MARCHF8: variants seen among roughly 807,000 people sequenced by gnomAD.
The protein encoded by MARCHF8 is membrane associated ring-CH-type finger 8.
In MARCHF8, 40 loss-of-function variants were observed where a neutral mutation model predicts 51.6. The ratio of observed to expected loss-of-function variants is 0.77; its 90% CI spans 0.60 to 1.01. The LOEUF (loss-of-function observed/expected upper bound fraction) is 1.01. MARCHF8 is among the 50% of genes least tolerant of loss of function. MARCHF8 has a pLI of 0.00. For synonymous variants in MARCHF8, 263 were observed against 280.3 expected, an observed-to-expected ratio of 0.94 and a Z score of 0.62; for missense variants, 685 against 708.6, an observed-to-expected ratio of 0.97 and a Z score of 0.38.
intron 1 of MARCHF8, among the ~76,000 whole-genome samples, chr10:45,588,249 TAC>T (rs2044639132): frequency 6.6e-6 from 1 of 151,830 alleles, no homozygotes; most frequent in African/African-American, 2.4e-5. Flanking sequence ...TCCTTATCCA[TAC>T]AGTCATACAA....
chr10:45,574,630 A>G (rs978381262), intron 1 of MARCHF8, among the ~76,000 whole-genome samples: 1 of 152,078 alleles, frequency 6.6e-6, no homozygotes, highest in African/African-American at 2.4e-5. Context: ...AAGAGCTGGG[A>G]CCGCGCCCTG....
At chr10:45,559,559 C>T (rs1044772469) in intron 1 of MARCHF8, among the ~76,000 whole-genome samples, 26 of 152,090 alleles carry the variant, frequency 1.7e-4, no homozygotes, top group Admixed American at 5.2e-4. Context: ...ATTTCATTGG[C>T]CATTTCTTAT....
intron 2 of MARCHF8, among the ~76,000 whole-genome samples, chr10:45,508,911 T>A (rs1030236833): frequency 2.0e-5 from 3 of 152,200 alleles, no homozygotes; most frequent in Admixed American, 6.5e-5. Context: ...TTTCTCAAAC[T>A]CTCATCAGAT....
intron 1 of MARCHF8, among the ~76,000 whole-genome samples, chr10:45,589,246 G>A (rs2044651491): frequency 6.6e-6 from 1 of 152,012 alleles, no homozygotes; most frequent in South Asian, 2.1e-4. Context: ...GTCTATCATG[G>A]GGTTGCAGTC....
intron 6 of MARCHF8, 61 bp downstream of exon 6, chr10:45,461,170 C>A: frequency 7.7e-7 from 1 of 1,306,642 alleles, no homozygotes; most frequent in Non-Finnish European, 1.0e-6. Flanking sequence ...TGATCTGAGA[C>A]ACCAGCTTTC....
At chr10:45,494,120 T>TGTTTTCTGGTA in intron 2 of MARCHF8, among the ~76,000 whole-genome samples, 1 of 152,370 alleles carries the variant, frequency 6.6e-6, no homozygotes, top group South Asian at 2.1e-4. Flanking sequence ...GTTTTCTTAA[T>TGTTTTCTGGTA]GTGAGAAGCT....
At chr10:45,557,588 T>C (rs1851519869) in intron 1 of MARCHF8, among the ~76,000 whole-genome samples, 2 of 152,000 alleles carry the variant, frequency 1.3e-5, no homozygotes, top group African/African-American at 4.8e-5. Context: ...TTAAAGAAAA[T>C]AGGAAGGGTC....
chr10:45,577,550 G>A (rs1343597094), intron 1 of MARCHF8, among the ~76,000 whole-genome samples: 1 of 152,058 alleles, frequency 6.6e-6, no homozygotes, highest in Non-Finnish European at 1.5e-5. Flanking sequence ...AAAAAGGGCT[G>A]GAGGAGCTAG....
At chr10:45,476,734 C>T (rs2042793725) in intron 3 of MARCHF8, among the ~76,000 whole-genome samples, 1 of 150,034 alleles carries the variant, frequency 6.7e-6, no homozygotes, top group Admixed American at 6.6e-5. Flanking sequence ...TTGAAATATT[C>T]AACAAATAGA....
intron 3 of MARCHF8, among the ~76,000 whole-genome samples, chr10:45,487,154 T>C (rs2042995923): frequency 6.6e-6 from 1 of 152,106 alleles, no homozygotes. Flanking sequence ...CAGAGAGATG[T>C]CCTTTTTCAA....
intron 2 of MARCHF8, among the ~76,000 whole-genome samples, chr10:45,530,394 T>C (rs2043857789): frequency 1.3e-5 from 2 of 152,142 alleles, no homozygotes; most frequent in Admixed American, 1.3e-4. Context: ...AATAACAATA[T>C]GAGAAACTGG....
At chr10:45,474,032 A>C (rs1162212547) in intron 3 of MARCHF8, among the ~76,000 whole-genome samples, 1 of 152,056 alleles carries the variant, frequency 6.6e-6, no homozygotes, top group African/African-American at 2.4e-5. Flanking sequence ...TAAGCTCCTT[A>C]CTGTTCCCTT....
intron 1 of MARCHF8, among the ~76,000 whole-genome samples, chr10:45,565,396 T>G (rs958246387): frequency 3.9e-5 from 6 of 151,984 alleles, no homozygotes; most frequent in Non-Finnish European, 8.8e-5. Flanking sequence ...GTGACTGCAC[T>G]CCAGCCTGGG....
In MARCHF8 at chr10:45,502,898, T is replaced by C. The variant is rs150234491; in HGVS notation, c.103-13481A>G. Among the ~76,000 whole-genome samples the C allele has an allele frequency of 5.3e-3, 808 of 152,314 alleles. 3 individuals are homozygous for C. Among genetic ancestry groups the C allele is most frequent in the Non-Finnish European group, 7.6e-3 (514 of 68,028 alleles). On this transcript the variant is annotated intron_variant, in intron 2 of 7. Coordinates refer to ENST00000453424, the MANE Select transcript of MARCHF8 (RefSeq NM_001282866.2). ...GACAAAAACAATTGACTATTCTTTT[T>C]CTCTTGATTCTTTACATTTGACGGC...
At chr10:45,483,330 T>C (rs1298064833) in intron 3 of MARCHF8, among the ~76,000 whole-genome samples, 1 of 152,124 alleles carries the variant, frequency 6.6e-6, no homozygotes, top group Non-Finnish European at 1.5e-5. Context: ...GCAAAGGACA[T>C]GACTAGACAT....
At chr10:45,537,808 G>A (rs1007524738), upstream of MARCHF8, among the ~76,000 whole-genome samples, 1 of 152,080 alleles carries the variant, frequency 6.6e-6, no homozygotes, top group Admixed American at 6.6e-5. Flanking sequence ...GGTAGGAATG[G>A]GTAAACGGGA....
At chr10:45,523,657 A>G (rs1225972494) in intron 2 of MARCHF8, among the ~76,000 whole-genome samples, 2 of 152,262 alleles carry the variant, frequency 1.3e-5, no homozygotes, top group African/African-American at 4.8e-5. Flanking sequence ...CAGCTATAAG[A>G]GAGTAGTGAC....
chr10:45,475,153 G>A (rs112294514), intron 3 of MARCHF8, among the ~76,000 whole-genome samples: 2,938 of 152,326 alleles, frequency 0.019, 47 homozygotes, highest in South Asian at 0.076. Flanking sequence ...CAGGGATGAA[G>A]TGCAAACCAT....
intron 2 of MARCHF8, among the ~76,000 whole-genome samples, chr10:45,515,858 T>C (rs1256142354): frequency 6.6e-6 from 1 of 152,214 alleles, no homozygotes; most frequent in Non-Finnish European, 1.5e-5. Flanking sequence ...TCATGGTGTG[T>C]GGTAAAGAGA....
Sources: allele counts gnomAD v4.1 joint callset (sites outside exome capture counted in the v4.1 genomes callset), GRCh38; gene constraint gnomAD v4.1.1; transcripts MANE v1.5; gene names NCBI Gene and HGNC (gene_info 2026-07-23, HGNC 2026-07-21).